Variants in CDK6 observed in about 807,000 individuals in gnomAD.
The protein encoded by CDK6 is cyclin dependent kinase 6.
In CDK6, 6 loss-of-function variants were observed where a neutral mutation model predicts 37.1. That is an observed-to-expected ratio of 0.16 (90% CI 0.09 to 0.32). CDK6 has a LOEUF of 0.32. Ranked by LOEUF, CDK6 falls within the 10% of genes least tolerant of loss-of-function variation. CDK6 has a pLI of 1.00. For missense variants in CDK6, 224 were observed against 418.9 expected (o/e 0.53, Z 4.06); for synonymous variants, 160 against 161.3 (o/e 0.99, Z 0.06).
rs182777692 is a variant in CDK6, at chr7:92,814,090, C to T, written c.233+19001G>A. Among the ~76,000 whole-genome samples, 312 of 152,250 alleles carry T rather than the reference C, an allele frequency of 2.0e-3. 2 individuals are homozygous for T. Among genetic ancestry groups the T allele is most frequent in the African/African-American group, 7.2e-3 (300 of 41,566 alleles). On this transcript the variant is annotated intron_variant, in intron 2 of 7. Transcript: ENST00000424848. ...GGGCTTATTTTTTCAGTTTGTTTCCCTTAAGAAAAATCAATTGGCTAACAT... is the reference window on the plus strand; with the variant it reads ...GGGCTTATTTTTTCAGTTTGTTTCCTTTAAGAAAAATCAATTGGCTAACAT...
rs150137686 is a variant in CDK6, at chr7:92,705,660, T to C, written c.537+19966A>G. On this transcript the variant is annotated intron_variant, in intron 4 of 7. Coordinates refer to ENST00000424848, the MANE Select transcript of CDK6 (RefSeq NM_001145306.2). ...TTATGTTTCTACACAACACTACTTATGTGGCCAAACCACACCTTTACCTTG... is the reference window on the plus strand; with the variant it reads ...TTATGTTTCTACACAACACTACTTACGTGGCCAAACCACACCTTTACCTTG... Among the ~76,000 whole-genome samples the C allele has an allele frequency of 2.2e-3, 328 of 152,360 alleles. 1 individual carries two copies. Among genetic ancestry groups the C allele is most frequent in the African/African-American group, 6.2e-3 (256 of 41,586 alleles).
In CDK6 at chr7:92,834,147, G is replaced by A. The variant is rs1316910715; in HGVS notation, c.-367-457C>T. On this transcript the variant is annotated intron_variant, in intron 1 of 7. Coordinates refer to ENST00000424848, the MANE Select transcript of CDK6 (RefSeq NM_001145306.2). This position sits in a 1 kb window ranked among gnomAD's most constrained non-coding sequence, Gnocchi z 4.6. ...GTCCAGGGGTGCCGGAGGGCGTTCA[G>A]GGGTCGCGCACAAGCTGGAGCGGAA... Among the ~76,000 whole-genome samples the A allele has an allele frequency of 3.9e-5, 6 of 152,144 alleles. No homozygotes were observed. The highest frequency in any genetic ancestry group is 8.8e-5 in the Non-Finnish European group (6 of 68,024).
intron 2 of CDK6, among the ~76,000 whole-genome samples, chr7:92,819,646 C>G (rs1253475878): frequency 2.0e-5 from 3 of 151,884 alleles, no homozygotes; most frequent in Non-Finnish European, 4.4e-5. Flanking sequence ...AAACTAAACA[C>G]TGACAGAAAC....
At chr7:92,624,360 T>C (rs2116497558) in intron 5 of CDK6, among the ~76,000 whole-genome samples, 1 of 152,202 alleles carries the variant, frequency 6.6e-6, no homozygotes, top group South Asian at 2.1e-4. Context: ...TCTGACTGTT[T>C]TCCTTGTAAG....
At chr7:92,641,803 T>A (rs1163397467) in intron 5 of CDK6, among the ~76,000 whole-genome samples, 1 of 152,148 alleles carries the variant, frequency 6.6e-6, no homozygotes, top group Non-Finnish European at 1.5e-5. Flanking sequence ...GGAAATTATG[T>A]CTAGTGAGAT....
intron 5 of CDK6, among the ~76,000 whole-genome samples, chr7:92,625,181 G>A (rs1795896052): frequency 1.3e-5 from 2 of 150,784 alleles, no homozygotes; most frequent in Non-Finnish European, 3.0e-5. Context: ...CTACTAGAAT[G>A]CCCAGCTTAT....
intron 5 of CDK6, among the ~76,000 whole-genome samples, chr7:92,645,986 G>A (rs1253049287): frequency 4.6e-5 from 7 of 152,180 alleles, no homozygotes; most frequent in African/African-American, 1.2e-4. Context: ...GTGCATACAC[G>A]ACACTATTTC....
chr7:92,767,554 C>G (rs1799613153), intron 3 of CDK6, among the ~76,000 whole-genome samples: 1 of 152,122 alleles, frequency 6.6e-6, no homozygotes, highest in Admixed American at 6.6e-5. Context: ...TCTACATTTC[C>G]CCCTGAATTT....
rs1169636158 is a variant in CDK6, at chr7:92,834,097, A to C, written c.-367-407T>G. Among the ~76,000 whole-genome samples, 4 of 151,950 alleles carry C rather than the reference A, an allele frequency of 2.6e-5. No individual in the cohort carries two copies. The highest frequency in any genetic ancestry group is 5.9e-5 in the Non-Finnish European group (4 of 67,998). ...GCGCCGCTACCCTCCCCGCCTCCTG[A>C]GGCCCGGACGTGCAGGGAGACGGGG... On this transcript the variant is annotated intron_variant, in intron 1 of 7. Coordinates refer to ENST00000424848, the MANE Select transcript of CDK6 (RefSeq NM_001145306.2). The surrounding 1 kb of genome is among the most constrained non-coding windows in gnomAD (Gnocchi z 4.6).
chr7:92,694,347 GAAT>G (rs1260849980), intron 4 of CDK6, among the ~76,000 whole-genome samples: 1 of 152,092 alleles, frequency 6.6e-6, no homozygotes, highest in African/African-American at 2.4e-5. Flanking sequence ...CCTATAATTA[GAAT>G]AAATAAATTC....
intron 2 of CDK6, among the ~76,000 whole-genome samples, chr7:92,826,504 G>T (rs945767920): frequency 2.0e-5 from 3 of 152,114 alleles, no homozygotes; most frequent in Admixed American, 1.3e-4. Context: ...CACATTCAGA[G>T]ATCTGTTCAA....
chr7:92,677,480 G>T (rs1180530602), intron 4 of CDK6, among the ~76,000 whole-genome samples: 1 of 152,108 alleles, frequency 6.6e-6, no homozygotes, highest in African/African-American at 2.4e-5. Flanking sequence ...TTAGCCAGGT[G>T]TGGTGGCACA....
rs2116483760 is a variant in CDK6 at position 92,618,072 on chromosome 7, C to G, written c.834G>C (p.Leu278=). The change falls in exon 7 of 8, where the codon CTG becomes CTC. Residue 278 remains leucine, a splice_region_variant and synonymous_variant. Transcript: ENST00000424848. The part of the protein sequence containing the change: ...DIDELGKDLL[L]KCLTFNPAKR... ...CGAGCTTGACATCAGAAAAACTTAC[C>G]AGAAGTAGGTCTTTGCCTAGTTCAT... The G allele has an allele frequency of 6.2e-7, 1 of 1,613,918 alleles. No homozygotes were observed. The highest frequency in any genetic ancestry group is 8.5e-7 in the Non-Finnish European group (1 of 1,179,886).
At chr7:92,725,108 T>A in intron 4 of CDK6, 2 of 985,430 alleles carry the variant, frequency 2.0e-6, no homozygotes, top group Non-Finnish European at 2.4e-6. Context: ...AGCCTTCACC[T>A]GGCATGGCGG....
intron 5 of CDK6, among the ~76,000 whole-genome samples, chr7:92,658,581 T>TTC (rs3839839): frequency 0.018 from 2,598 of 146,496 alleles, 38 homozygotes; most frequent in African/African-American, 0.045. Flanking sequence ...CTCTCTCTCT[T>TTC]TCTCTCTCTC....
intron 5 of CDK6, among the ~76,000 whole-genome samples, chr7:92,649,473 T>C (rs774622766): frequency 3.9e-5 from 6 of 152,154 alleles, no homozygotes; most frequent in Non-Finnish European, 5.9e-5. Context: ...TTGGGATTAA[T>C]TGTTTCTTGT....
intron 4 of CDK6, among the ~76,000 whole-genome samples, chr7:92,691,610 G>A (rs941912490): frequency 1.3e-5 from 2 of 152,108 alleles, no homozygotes; most frequent in Non-Finnish European, 2.9e-5. Context: ...TTACATTTTA[G>A]AAAAAAGTCT....
intron 7 of CDK6, among the ~76,000 whole-genome samples, chr7:92,616,637 A>G (rs1795686952): frequency 6.6e-6 from 1 of 152,234 alleles, no homozygotes; most frequent in Non-Finnish European, 1.5e-5. Flanking sequence ...CTCTTTTCCC[A>G]GAGCCCAAGA....
chr7:92,754,914 C>A (rs924938164), intron 3 of CDK6, among the ~76,000 whole-genome samples: 18 of 152,152 alleles, frequency 1.2e-4, no homozygotes, highest in African/African-American at 4.1e-4. Context: ...GAGTTTATTG[C>A]CGCTCTAGTC....
Sources: gnomAD v4.1 joint callset for allele counts (sites outside exome capture counted in the v4.1 genomes callset) on GRCh38, gnomAD v4.1.1 for gene constraint, Gnocchi (gnomAD v3.1) non-coding constraint, MANE v1.5 for transcripts, NCBI Gene and HGNC (gene_info 2026-07-23, HGNC 2026-07-21) for gene names.